The following BNC2 variants were observed in gnomAD, a reference collection of about 807,000 sequenced individuals.
BNC2 encodes basonuclin zinc finger protein 2.
In BNC2, 20 loss-of-function variants were observed where a neutral mutation model predicts 76.3. The observed-to-expected ratio is 0.26, with a 90% CI of 0.18 to 0.38. The LOEUF (loss-of-function observed/expected upper bound fraction) is 0.38. Among genes scored for constraint, BNC2 ranks in the 10% least tolerant of loss-of-function variants. The probability of loss-of-function intolerance (pLI) is 1.00; values close to 1 mark genes in which losing one functional copy is unlikely to be tolerated. For missense variants in BNC2, 1,382 were observed against 1,399.8 expected, an observed-to-expected ratio of 0.99 and a Z score of 0.20; for synonymous variants, 582 against 514.8, an observed-to-expected ratio of 1.13 and a Z score of -1.77.
intron 3 of BNC2, among the ~76,000 whole-genome samples, chr9:16,704,428 C>T (rs1823600408): frequency 6.6e-6 from 1 of 152,018 alleles, no homozygotes; most frequent in Non-Finnish European, 1.5e-5. Flanking sequence ...CAACAAAGTC[C>T]CTTTATAAGA....
chr9:16,632,205 T>TA (rs917455144), intron 3 of BNC2, among the ~76,000 whole-genome samples: 2 of 152,030 alleles, frequency 1.3e-5, no homozygotes, highest in African/African-American at 4.8e-5. Flanking sequence ...TCCTTTTTTT[T>TA]AATCGTTATT....
At chr9:16,461,679 G>A (rs1359894611) in intron 5 of BNC2, among the ~76,000 whole-genome samples, 1 of 152,100 alleles carries the variant, frequency 6.6e-6, no homozygotes, top group African/African-American at 2.4e-5. Context: ...CCTGCAACAC[G>A]CTGCATCACC....
chr9:16,639,270 T>C (rs1453218561), intron 3 of BNC2, among the ~76,000 whole-genome samples: 1 of 152,222 alleles, frequency 6.6e-6, no homozygotes, highest in Non-Finnish European at 1.5e-5. Context: ...ACAATGTTGT[T>C]ATTGGTCTCT....
chr9:16,520,682 A>G (rs1356707723), intron 5 of BNC2, among the ~76,000 whole-genome samples: 1 of 152,162 alleles, frequency 6.6e-6, no homozygotes, highest in Non-Finnish European at 1.5e-5. Flanking sequence ...AATCCATATC[A>G]TTCCTGAGTA....
At chr9:16,712,673 CATT>C (rs1397499155) in intron 3 of BNC2, among the ~76,000 whole-genome samples, 1 of 152,196 alleles carries the variant, frequency 6.6e-6, no homozygotes, top group Non-Finnish European at 1.5e-5. Flanking sequence ...ATTTCACTAT[CATT>C]AAGATCCCTT....
intron 3 of BNC2, among the ~76,000 whole-genome samples, chr9:16,698,710 G>A (rs527443960): frequency 6.6e-6 from 1 of 151,966 alleles, no homozygotes; most frequent in East Asian, 1.9e-4. Context: ...AAAAAGCCAT[G>A]ATGAATACCT....
chr9:16,557,386 C>G (rs766653757), intron 4 of BNC2, among the ~76,000 whole-genome samples: 9 of 151,792 alleles, frequency 5.9e-5, no homozygotes, highest in Non-Finnish European at 1.3e-4. Context: ...GTAGTCCCAG[C>G]TACTTGGAAG....
intron 1 of BNC2, among the ~76,000 whole-genome samples, chr9:16,761,374 T>A (rs559671094): frequency 6.6e-6 from 1 of 152,372 alleles, no homozygotes; most frequent in East Asian, 1.9e-4. Flanking sequence ...TTACTCTTGA[T>A]GCTGAAAAAC....
At chr9:16,509,820 G>T (rs983795553) in intron 5 of BNC2, among the ~76,000 whole-genome samples, 8 of 152,200 alleles carry the variant, frequency 5.3e-5, no homozygotes, top group Admixed American at 5.2e-4. Flanking sequence ...GAAGAAATAT[G>T]TAGAGGTTGT....
At chr9:16,599,848 T>G (rs1356578904) in intron 3 of BNC2, among the ~76,000 whole-genome samples, 1 of 152,228 alleles carries the variant, frequency 6.6e-6, no homozygotes, top group Non-Finnish European at 1.5e-5. Context: ...ATTGATAAAT[T>G]GATAACAGCG....
intron 1 of BNC2, among the ~76,000 whole-genome samples, chr9:16,754,098 G>A (rs1394416194): frequency 1.3e-5 from 2 of 152,168 alleles, no homozygotes; most frequent in African/African-American, 2.4e-5. Flanking sequence ...ATTATTAACC[G>A]ACACTCTCAG....
At chr9:16,849,945 G>A (rs537368254) in intron 1 of BNC2, among the ~76,000 whole-genome samples, 251 of 152,016 alleles carry the variant, frequency 1.7e-3, no homozygotes, top group Middle Eastern at 6.8e-3. Flanking sequence ...AGTGTTATGT[G>A]CACAAATTTG....
chr9:16,801,824 T>C (rs554855314), intron 1 of BNC2, among the ~76,000 whole-genome samples: 1 of 152,186 alleles, frequency 6.6e-6, no homozygotes, highest in Admixed American at 6.5e-5. Flanking sequence ...CCTTACTGTA[T>C]AGCTTCAAAA....
At chr9:16,735,992 G>A (rs1305422077) in intron 2 of BNC2, among the ~76,000 whole-genome samples, 3 of 151,718 alleles carry the variant, frequency 2.0e-5, no homozygotes, top group African/African-American at 7.3e-5. Flanking sequence ...CCAGCACTTT[G>A]GGAGGCCAAG....
At chr9:16,736,778 G>GTTTT (rs1461146947) in intron 2 of BNC2, among the ~76,000 whole-genome samples, 1 of 144,952 alleles carries the variant, frequency 6.9e-6, no homozygotes, top group Non-Finnish European at 1.5e-5. Context: ...CCGACCTATT[G>GTTTT]TTTTTTTTTT....
chr9:16,684,234 CA>C (rs1157214376), intron 3 of BNC2, among the ~76,000 whole-genome samples: 14 of 152,202 alleles, frequency 9.2e-5, no homozygotes, highest in Non-Finnish European at 1.9e-4. Flanking sequence ...TCGTCCTACC[CA>C]AAAAAGGTCA....
intron 6 of BNC2, among the ~76,000 whole-genome samples, chr9:16,430,849 C>T (rs75405305): frequency 0.083 from 12,646 of 152,262 alleles, 556 homozygotes; most frequent in Middle Eastern, 0.15. Flanking sequence ...GTGGACTGAT[C>T]AAACTAGCAA....
At chr9:16,635,836 G>A (rs987390617) in intron 3 of BNC2, among the ~76,000 whole-genome samples, 10 of 152,162 alleles carry the variant, frequency 6.6e-5, no homozygotes, top group Non-Finnish European at 2.9e-5. Context: ...ACACAGAGAA[G>A]GCAAATTTGC....
At chr9:16,521,271 T>A (rs1342420493) in intron 5 of BNC2, among the ~76,000 whole-genome samples, 1 of 152,152 alleles carries the variant, frequency 6.6e-6, no homozygotes, top group Non-Finnish European at 1.5e-5. Flanking sequence ...GGAAGCTCTA[T>A]CTCCCTCTAC....
Sources: allele counts gnomAD v4.1 joint callset (sites outside exome capture counted in the v4.1 genomes callset), GRCh38; gene constraint gnomAD v4.1.1; transcripts MANE v1.5; gene names NCBI Gene and HGNC (gene_info 2026-07-23, HGNC 2026-07-21).